The following LIN9 variants were observed in gnomAD, a reference collection of about 807,000 sequenced individuals.
The protein encoded by LIN9 is protein lin-9 homolog.
LIN9 carries 18 observed loss-of-function variants against 78.0 expected under a neutral mutation model. That is an observed-to-expected ratio of 0.23 (90% CI 0.16 to 0.34). The LOEUF is 0.34. Ranked by LOEUF, LIN9 falls within the 10% of genes least tolerant of loss-of-function variation. LIN9 has a pLI of 1.00. For missense variants in LIN9, 451 were observed against 644.1 expected, an observed-to-expected ratio of 0.70 and a Z score of 3.25; for synonymous variants, 192 against 215.2, an observed-to-expected ratio of 0.89 and a Z score of 0.94.
intron 4 of LIN9, among the ~76,000 whole-genome samples, chr1:226,292,246 C>T (rs1019609064): frequency 6.6e-5 from 10 of 151,586 alleles, no homozygotes; most frequent in African/African-American, 2.4e-4. Context: ...CTGCAGCTTC[C>T]ACCTCCCAGA....
chr1:226,263,780 A>G (rs1330486650), intron 10 of LIN9, among the ~76,000 whole-genome samples: 3 of 152,190 alleles, frequency 2.0e-5, no homozygotes, highest in African/African-American at 7.2e-5. Context: ...ATAACTAACA[A>G]TATATCATTG....
intron 12 of LIN9, among the ~76,000 whole-genome samples, chr1:226,235,282 C>G (rs1270642168): frequency 1.5e-5 from 2 of 133,434 alleles, no homozygotes; most frequent in Admixed American, 8.9e-5. Context: ...AGATTGCGCC[C>G]CTGTACTCCA....
intron 4 of LIN9, among the ~76,000 whole-genome samples, chr1:226,292,002 A>G (rs1243015807): frequency 1.3e-5 from 2 of 152,244 alleles, no homozygotes; most frequent in African/African-American, 2.4e-5. Context: ...AAATTACTAT[A>G]AAATATTCTT....
At chr1:226,240,423 C>T (rs979650363) in intron 11 of LIN9, among the ~76,000 whole-genome samples, 3 of 150,722 alleles carry the variant, frequency 2.0e-5, no homozygotes, top group African/African-American at 7.3e-5. Context: ...GGTTTCACTC[C>T]CGTCACCCAG....
At chr1:226,245,714 C>T (rs1658433248) in intron 11 of LIN9, among the ~76,000 whole-genome samples, 1 of 152,150 alleles carries the variant, frequency 6.6e-6, no homozygotes, top group African/African-American at 2.4e-5. Flanking sequence ...TCTCCTGCCT[C>T]AGCCTCCTGC....
intron 4 of LIN9, among the ~76,000 whole-genome samples, chr1:226,288,565 G>C (rs1168203664): frequency 6.6e-6 from 1 of 152,014 alleles, no homozygotes; most frequent in Non-Finnish European, 1.5e-5. Flanking sequence ...TTAATGAAAT[G>C]GGTAAATACA....
intron 10 of LIN9, among the ~76,000 whole-genome samples, chr1:226,255,092 GA>G (rs1256001604): frequency 2.6e-5 from 4 of 151,986 alleles, no homozygotes; most frequent in African/African-American, 4.8e-5. Flanking sequence ...AGGGAAAACT[GA>G]ACTGTAATAT....
chr1:226,293,920 C>G (rs1032770174), intron 4 of LIN9, among the ~76,000 whole-genome samples: 1 of 152,104 alleles, frequency 6.6e-6, no homozygotes, highest in African/African-American at 2.4e-5. Context: ...TTCTACAGAA[C>G]ATGAACATAT....
chr1:226,282,636 C>G (rs1404413327), intron 6 of LIN9, among the ~76,000 whole-genome samples: 3 of 152,150 alleles, frequency 2.0e-5, no homozygotes, highest in African/African-American at 7.2e-5. Context: ...GCCTGGCCAA[C>G]AGGGTGAAAC....
chr1:226,301,293 T>G, intron 1 of LIN9, 88 bp from the exon 2 acceptor site: 1 of 913,110 alleles, frequency 1.1e-6, no homozygotes, highest in South Asian at 1.4e-5. Context: ...AGTGATCCAT[T>G]TAGTTTTAGT....
chr1:226,275,744 G>A (rs1660616779), intron 7 of LIN9, among the ~76,000 whole-genome samples: 1 of 150,474 alleles, frequency 6.6e-6, no homozygotes, highest in African/African-American at 2.4e-5. Flanking sequence ...TAGGCTGGGT[G>A]CAGCGGCTCA....
Position 226,265,912 on chromosome 1 carries a change from C to T in LIN9, c.937-278G>A, listed in dbSNP as rs948481273. 9.9e-5 allele frequency among the ~76,000 whole-genome samples: 15 copies of T among 151,576 alleles called. No homozygotes were observed. Among genetic ancestry groups the T allele is most frequent in the African/African-American group, 3.4e-4 (14 of 41,258 alleles). ...CAGGTTGGTCTCGAACTCCTGACCT[C>T]GTGATCCGCCTGCCTCAGCCTCCCA... On this transcript the variant is annotated intron_variant, in intron 9 of 14. Transcript: ENST00000681046. This position sits in a 1 kb window ranked among gnomAD's most constrained non-coding sequence, Gnocchi z 4.1.
At chr1:226,280,997 C>T (rs190015140) in intron 6 of LIN9, among the ~76,000 whole-genome samples, 10 of 152,182 alleles carry the variant, frequency 6.6e-5, no homozygotes, top group Admixed American at 3.3e-4. Flanking sequence ...TTTACAATAG[C>T]CAAGATATGG....
At chr1:226,278,098 C>T (rs773427792) in intron 6 of LIN9, among the ~76,000 whole-genome samples, 166 bp from the exon 7 acceptor site, 4 of 151,608 alleles carry the variant, frequency 2.6e-5, no homozygotes, top group African/African-American at 4.8e-5. Flanking sequence ...TCAAGCGATT[C>T]TGGGCTCCAC....
chr1:226,240,085 G>A (rs1156938870), intron 11 of LIN9, among the ~76,000 whole-genome samples: 2 of 152,130 alleles, frequency 1.3e-5, no homozygotes, highest in African/African-American at 4.8e-5. Flanking sequence ...AACCTCAGAG[G>A]TCATCTAGTT....
intron 12 of LIN9, among the ~76,000 whole-genome samples, chr1:226,237,228 T>C (rs1024147190): frequency 1.3e-5 from 2 of 152,240 alleles, no homozygotes; most frequent in Admixed American, 6.5e-5. Context: ...CTGCATAGTC[T>C]GCATGTCTTG....
chr1:226,301,078 C>A (rs2102674049), intron 2 of LIN9, 95 bp downstream of exon 2: 2 of 844,362 alleles, frequency 2.4e-6, no homozygotes, highest in South Asian at 4.2e-5. Context: ...TACAATGAAT[C>A]ATAACTTAGA....
chr1:226,258,864 C>T (rs1429049293), intron 10 of LIN9, among the ~76,000 whole-genome samples: 4 of 111,268 alleles, frequency 3.6e-5, no homozygotes, highest in African/African-American at 1.4e-4. Flanking sequence ...GCACTCCAGC[C>T]AAGGGTGACA....
Position 226,265,520 on chromosome 1 carries a change from G to C in LIN9, c.1038+13C>G, listed in dbSNP as rs769748684. On this transcript the variant is annotated intron_variant, in intron 10 of 14. Coordinates refer to ENST00000681046, the MANE Select transcript of LIN9 (RefSeq NM_001366245.2). This position sits in a 1 kb window ranked among gnomAD's most constrained non-coding sequence, Gnocchi z 4.1. The stretch of plus-strand genomic sequence containing the variant: ...TTTAAACAAACAGCCAAGATATTCA[G>C]AACAATTCTTACCACTTGGATAAGA... 13 of 1,526,186 alleles carry C rather than the reference G, an allele frequency of 8.5e-6. 1 individual carries two copies. Among genetic ancestry groups the C allele is most frequent in the Admixed American group, 1.7e-5 (1 of 57,972 alleles). 94.5% of individuals were successfully genotyped at this position (1,526,186 alleles called of 1,614,324 possible).
Sources: gnomAD v4.1 joint callset for allele counts (sites outside exome capture counted in the v4.1 genomes callset) on GRCh38, gnomAD v4.1.1 for gene constraint, Gnocchi (gnomAD v3.1) non-coding constraint, MANE v1.5 for transcripts, NCBI Gene and HGNC (gene_info 2026-07-23, HGNC 2026-07-21) for gene names.